LEPR: variants seen among roughly 807,000 people sequenced by gnomAD.
The protein encoded by LEPR is OB receptor.
Under a neutral mutation model 114.7 loss-of-function variants are expected in LEPR, and 56 were observed. That is an observed-to-expected ratio of 0.49 (90% CI 0.39 to 0.61). The LOEUF (loss-of-function observed/expected upper bound fraction) is 0.61. LEPR is among the 20% of genes least tolerant of loss of function. LEPR has a pLI of 0.00. For missense variants in LEPR, 1,202 were observed against 1,352.9 expected (o/e 0.89, Z 1.75); for synonymous variants, 443 against 461.4 (o/e 0.96, Z 0.51).
intron 2 of LEPR, among the ~76,000 whole-genome samples, chr1:65,440,945 A>G (rs1402660510): frequency 2.0e-5 from 3 of 152,260 alleles, no homozygotes; most frequent in African/African-American, 7.2e-5. Flanking sequence ...CACAGAAAAC[A>G]TAAATAAATG....
intron 5 of LEPR, among the ~76,000 whole-genome samples, chr1:65,585,259 A>G (rs1199639652): frequency 6.6e-6 from 1 of 152,100 alleles, no homozygotes; most frequent in Non-Finnish European, 1.5e-5. Context: ...TAAATTTTCT[A>G]ATTCCACTTC....
intron 8 of LEPR, among the ~76,000 whole-genome samples, chr1:65,600,729 T>TA (rs998252262): frequency 2.6e-5 from 4 of 152,060 alleles, no homozygotes; most frequent in African/African-American, 7.2e-5. Context: ...GTGTAGGCAT[T>TA]AAAAAAATCA....
intron 11 of LEPR, among the ~76,000 whole-genome samples, chr1:65,608,458 C>G (rs1656965947): frequency 2.0e-5 from 3 of 152,060 alleles, no homozygotes; most frequent in African/African-American, 7.2e-5. Flanking sequence ...GGCATGTTAT[C>G]TTTTGCTTGC....
intron 2 of LEPR, among the ~76,000 whole-genome samples, chr1:65,511,018 A>C (rs992321543): frequency 1.3e-5 from 2 of 152,168 alleles, no homozygotes; most frequent in Non-Finnish European, 2.9e-5. Flanking sequence ...GTCTCACAAA[A>C]AAAACAAAAC....
chr1:65,505,345 G>T (rs59220602), intron 2 of LEPR, among the ~76,000 whole-genome samples: 6,019 of 152,028 alleles, frequency 0.04, 378 homozygotes, highest in African/African-American at 0.14. Context: ...ATGAAAAAAA[G>T]AAAAAAGGAT....
At position 65,640,234 on chromosome 1, in the gene LEPR, G is replaced by A. The variant is rs1429475114; in HGVS notation, c.*3219G>A. 3.3e-5 allele frequency: 5 copies of A among 152,128 alleles called. No homozygotes were observed. Among genetic ancestry groups the A allele is most frequent in the African/African-American group, 1.2e-4 (5 of 41,436 alleles). 9.4% of individuals were successfully genotyped at this position (152,128 alleles called of 1,614,324 possible). A position where few individuals can be genotyped will look rare whatever the true frequency, so the allele number is the denominator to read the frequency against. On this transcript the variant is annotated 3_prime_UTR_variant, in exon 20 of 20. Coordinates refer to ENST00000349533, the MANE Select transcript of LEPR (RefSeq NM_002303.6). ...AGAATTATGCATACAGGGCTCACAGGCGGAGTTGGACAATATGCTGATGGA... is the reference window on the plus strand; with the variant it reads ...AGAATTATGCATACAGGGCTCACAGACGGAGTTGGACAATATGCTGATGGA...
chr1:65,504,874 C>T (rs1194984964), intron 2 of LEPR, among the ~76,000 whole-genome samples: 1 of 152,112 alleles, frequency 6.6e-6, no homozygotes, highest in Non-Finnish European at 1.5e-5. Flanking sequence ...CTATCTTTAT[C>T]ACTTTTCTGA....
At chr1:65,623,782 C>A (rs1658027082) in intron 19 of LEPR, among the ~76,000 whole-genome samples, 1 of 152,034 alleles carries the variant, frequency 6.6e-6, no homozygotes, top group Admixed American at 6.6e-5. Flanking sequence ...ACTAAAGCCC[C>A]CTGAAGCTAT....
Position 65,592,760 on chromosome 1 carries a change from G to A in LEPR, c.598G>A (p.Val200Met), listed in dbSNP as rs1655792129. 6.2e-7 allele frequency: 1 copy of A among 1,613,200 alleles called. No individual in the cohort carries two copies. The highest frequency in any genetic ancestry group is 1.3e-5 in the African/African-American group (1 of 74,836). The change falls in exon 6 of 20, where the codon GTG becomes ATG. Residue 200 changes from valine to methionine, a missense_variant. By Grantham distance (21) the Val-to-Met change is conservative. Coordinates refer to ENST00000349533, the MANE Select transcript of LEPR (RefSeq NM_002303.6). ...TGAATGTTGTGAATGTCTTGTGCCT[G>A]TGCCAACAGCCAAACTCAACGACAC... ...VHECCECLVP[V>M]PTAKLNDTLL...
At chr1:65,495,124 C>T (rs1479579548) in intron 2 of LEPR, among the ~76,000 whole-genome samples, 1 of 152,046 alleles carries the variant, frequency 6.6e-6, no homozygotes, top group Non-Finnish European at 1.5e-5. Context: ...AGTGAAGAGA[C>T]AATCTACAGA....
intron 8 of LEPR, 140 bp from the exon 9 acceptor site, chr1:65,601,252 C>T: frequency 2.0e-6 from 2 of 1,024,892 alleles, no homozygotes; most frequent in Non-Finnish European, 2.9e-6. Flanking sequence ...GTAATTTCAG[C>T]ATTATCCAGT....
At chr1:65,524,697 A>G (rs950244085) in intron 2 of LEPR, among the ~76,000 whole-genome samples, 6 of 152,082 alleles carry the variant, frequency 3.9e-5, no homozygotes, top group African/African-American at 1.4e-4. Context: ...CATCCATCCA[A>G]TCTAGAGAAT....
At chr1:65,538,616 T>C (rs1650947361) in intron 2 of LEPR, among the ~76,000 whole-genome samples, 1 of 152,202 alleles carries the variant, frequency 6.6e-6, no homozygotes, top group African/African-American at 2.4e-5. Context: ...TGAAAAGAAT[T>C]TTCTATAAGT....
intron 19 of LEPR, chr1:65,635,282 T>G: frequency 2.0e-6 from 2 of 981,542 alleles, no homozygotes; most frequent in Non-Finnish European, 2.4e-6. Context: ...AGGTGATGTA[T>G]CAACAGCTTT....
chr1:65,510,275 T>C (rs1418987680), intron 2 of LEPR, among the ~76,000 whole-genome samples: 2 of 152,198 alleles, frequency 1.3e-5, no homozygotes, highest in East Asian at 3.8e-4. Context: ...GCTAAGCTAT[T>C]ATTTTGGGTG....
At chr1:65,635,317 A>G (rs1476693618) in intron 19 of LEPR, 15 of 982,648 alleles carry the variant, frequency 1.5e-5, no homozygotes, top group African/African-American at 8.7e-5. Context: ...TGTTTTTTCA[A>G]TGTGTTTACA....
chr1:65,592,968 T>A, intron 6 of LEPR, 103 bp downstream of exon 6: 1 of 1,283,752 alleles, frequency 7.8e-7, no homozygotes, highest in Non-Finnish European at 1.1e-6. Context: ...TCACTTTGCT[T>A]AACACTGTAA....
intron 2 of LEPR, among the ~76,000 whole-genome samples, chr1:65,539,676 A>G (rs1343028237): frequency 1.3e-5 from 2 of 152,146 alleles, no homozygotes; most frequent in African/African-American, 4.8e-5. Context: ...AGGAATTTCC[A>G]CTTAATAAGC....
intron 2 of LEPR, among the ~76,000 whole-genome samples, chr1:65,471,171 G>A (rs1647078423): frequency 6.6e-6 from 1 of 152,104 alleles, no homozygotes; most frequent in East Asian, 1.9e-4. Flanking sequence ...CTCCTAATTT[G>A]TCTGCATGCA....
Sources: allele counts gnomAD v4.1 joint callset (sites outside exome capture counted in the v4.1 genomes callset), GRCh38; gene constraint gnomAD v4.1.1; transcripts MANE v1.5; gene names NCBI Gene and HGNC (gene_info 2026-07-23, HGNC 2026-07-21).